Variants in CCDC25 observed in about 807,000 individuals in gnomAD.
CCDC25 encodes the protein coiled-coil domain containing 25.
A neutral mutation model predicts 35.3 loss-of-function variants in CCDC25; 16 were observed. That is an observed-to-expected ratio of 0.45 (90% CI 0.31 to 0.69). The LOEUF (loss-of-function observed/expected upper bound fraction) is 0.69, where lower values mean the gene tolerates loss of function less well. CCDC25 is among the 30% of genes least tolerant of loss of function. The pLI, the probability that CCDC25 is intolerant of heterozygous loss-of-function variation, is 0.06. For missense variants in CCDC25, 179 were observed against 250.7 expected, an observed-to-expected ratio of 0.71 and a Z score of 1.93; for synonymous variants, 79 against 80.3, an observed-to-expected ratio of 0.98 and a Z score of 0.09.
intron 8 of CCDC25, among the ~76,000 whole-genome samples, chr8:27,739,305 A>G (rs899808742): frequency 2.0e-5 from 3 of 152,218 alleles, no homozygotes; most frequent in Admixed American, 2.0e-4. Context: ...AGATGGGAAT[A>G]AGAATGTTGT....
intron 3 of CCDC25, among the ~76,000 whole-genome samples, chr8:27,759,343 A>T (rs548981795): frequency 2.6e-5 from 4 of 152,176 alleles, no homozygotes; most frequent in Non-Finnish European, 5.9e-5. Context: ...ACAGTGGCTC[A>T]TGCCTGTCGT....
intron 8 of CCDC25, among the ~76,000 whole-genome samples, chr8:27,739,617 T>C (rs1038891585): frequency 2.6e-5 from 4 of 152,220 alleles, no homozygotes; most frequent in Non-Finnish European, 4.4e-5. Flanking sequence ...AGATAAAGTA[T>C]ATGGAAGGAT....
At chr8:27,738,806 G>A (rs1238985254) in intron 8 of CCDC25, among the ~76,000 whole-genome samples, 1 of 152,184 alleles carries the variant, frequency 6.6e-6, no homozygotes, top group Non-Finnish European at 1.5e-5. Context: ...GTTGTGGTAT[G>A]TTGAAGACTA....
At position 27,736,092 on chromosome 8, in the gene CCDC25, T is replaced by C. The variant is rs973690061; in HGVS notation, c.*124A>G. Reference sequence around the variant, plus strand: ...TTTTTAAAACTTGAAAATCAATAATTTCTGGGTAGGATGAAGGTAGAATTT... The same window carrying C: ...TTTTTAAAACTTGAAAATCAATAATCTCTGGGTAGGATGAAGGTAGAATTT... On this transcript the variant is annotated 3_prime_UTR_variant, in exon 9 of 9. Coordinates refer to ENST00000356537, the MANE Select transcript of CCDC25 (RefSeq NM_018246.3). 9 of 855,054 alleles carry C rather than the reference T, an allele frequency of 1.1e-5. No individual in the cohort carries two copies. The highest frequency in any genetic ancestry group is 2.8e-5 in the Admixed American group (1 of 36,122). The allele number at this position is 855,054 out of a possible 1,614,324, so 53.0% of individuals were successfully genotyped here. A position where few individuals can be genotyped will look rare whatever the true frequency, so the allele number is the denominator to read the frequency against.
intron 7 of CCDC25, 26 bp from the exon 8 acceptor site, chr8:27,740,543 C>T (rs1187033480): frequency 1.9e-6 from 3 of 1,590,798 alleles, no homozygotes; most frequent in South Asian, 1.1e-5. Flanking sequence ...CACACACACA[C>T]ATTTAAAATA....
At position 27,733,703 on chromosome 8, in the gene CCDC25, GTTAT is replaced by G. The variant is rs1803113777; in HGVS notation, c.*2509_*2512del. On this transcript the variant is annotated 3_prime_UTR_variant, in exon 9 of 9. Transcript: ENST00000356537. ...ATGATCATTTTGAATATGGAAATTT[GTTAT>G]TTACATGCTGTACCTCAAATCAAAG... The G allele has an allele frequency of 6.6e-6, 1 of 152,284 alleles. No homozygotes were observed. Among genetic ancestry groups the G allele is most frequent in the African/African-American group, 2.4e-5 (1 of 41,554 alleles). The allele number at this position is 152,284 out of a possible 1,614,324, so 9.4% of individuals were successfully genotyped here. A position where few individuals can be genotyped will look rare whatever the true frequency, so the allele number is the denominator to read the frequency against.
chr8:27,764,811 C>T lies in CCDC25; in HGVS notation c.76+393G>A, dbSNP rs560788310. 1.2e-4 allele frequency among the ~76,000 whole-genome samples: 19 copies of T among 152,242 alleles called. No homozygotes were observed. In the East Asian group the frequency reaches 2.9e-3, roughly 23 times the overall value. On this transcript the variant is annotated intron_variant, in intron 2 of 8. Transcript: ENST00000356537. ...TTTACTATCTCTGATCTGTCTACTT[C>T]GACAGCATTTACTATTCATGTTACT...
chr8:27,741,322 C>A (rs187531846), intron 7 of CCDC25, among the ~76,000 whole-genome samples: 7 of 152,114 alleles, frequency 4.6e-5, no homozygotes, highest in African/African-American at 1.4e-4. Context: ...AAAGCCTGGA[C>A]CCACAGAACT....
At chr8:27,749,855 G>A (rs776859090) in intron 5 of CCDC25, among the ~76,000 whole-genome samples, 3 of 152,082 alleles carry the variant, frequency 2.0e-5, no homozygotes, top group African/African-American at 4.8e-5. Context: ...CTACAATTTC[G>A]CTTTGGATGG....
intron 8 of CCDC25, among the ~76,000 whole-genome samples, chr8:27,738,466 G>C (rs1230222867): frequency 6.6e-6 from 1 of 152,112 alleles, no homozygotes; most frequent in Admixed American, 6.5e-5. Flanking sequence ...GGGGTTGCAA[G>C]CAACAGAGGG....
chr8:27,736,682 C>T (rs1041536135), intron 8 of CCDC25, among the ~76,000 whole-genome samples: 3 of 152,230 alleles, frequency 2.0e-5, no homozygotes, highest in African/African-American at 7.2e-5. Context: ...AACATTGTCA[C>T]AGATTTGTGA....
Position 27,772,455 on chromosome 8 carries a change from G to T in CCDC25, c.28+58C>A. ...GGTCAGGCGCAGCGGCGGACTGCGG[G>T]TCCCGGCTTCGGAGCCCGCTGTCCA... On this transcript the variant is annotated intron_variant, in intron 1 of 8. Transcript: ENST00000356537. 4 of 1,525,524 alleles carry T rather than the reference G, an allele frequency of 2.6e-6. No individual in the cohort carries two copies. In the East Asian group the frequency reaches 9.8e-5, roughly 38 times the overall value. The allele number at this position is 1,525,524 out of a possible 1,614,324, so 94.5% of individuals were successfully genotyped here.
At chr8:27,759,928 A>C (rs1804166751) in intron 3 of CCDC25, among the ~76,000 whole-genome samples, 1 of 152,104 alleles carries the variant, frequency 6.6e-6, no homozygotes, top group African/African-American at 2.4e-5. Context: ...CAGCTCCACA[A>C]AGTGAAGCAG....
rs116538500 is a variant in CCDC25 at position 27,772,583 on chromosome 8, G to A, written c.-43C>T. On this transcript the variant is annotated 5_prime_UTR_variant, in exon 1 of 9. Coordinates refer to ENST00000356537, the MANE Select transcript of CCDC25 (RefSeq NM_018246.3). ...GGTGACTCCACCGCGGAGCAGCAGC[G>A]CTCAACTCACGAAGCTCAGGATACC... is the stretch of plus-strand genomic sequence containing the variant. 3.7e-4 allele frequency: 564 copies of A among 1,541,192 alleles called. 2 individuals are homozygous for A. The African/African-American group carries it at 7.1e-3, about 19-fold the overall frequency.
chr8:27,737,434 T>C lies in CCDC25; in HGVS notation c.598-1189A>G, dbSNP rs1803273485. On this transcript the variant is annotated intron_variant, in intron 8 of 8. Transcript: ENST00000356537. The surrounding 1 kb of genome is among the most constrained non-coding windows in gnomAD (Gnocchi z 4.6). ...TTCCCTATAAAGGCTGTGAGTTAGATGTGCAGAGTCCCCACTTGTCTGGGG... is the reference window on the plus strand; with the variant it reads ...TTCCCTATAAAGGCTGTGAGTTAGACGTGCAGAGTCCCCACTTGTCTGGGG... Among the ~76,000 whole-genome samples the C allele has an allele frequency of 6.6e-6, 1 of 152,212 alleles. No individual in the cohort carries two copies. Among genetic ancestry groups the C allele is most frequent in the Admixed American group, 6.5e-5 (1 of 15,272 alleles).
rs1259024434 is a variant in CCDC25 at position 27,752,525 on chromosome 8, G to A, written c.231C>T (p.Ala77=). Residue 77 remains alanine (A), a synonymous_variant, in exon 5 of 9, where the codon GCC becomes GCT. Transcript: ENST00000356537. The part of the protein sequence containing the change: ...VLMDCAHLVK[A]NSIQGCKMNN... Reference sequence around the variant, plus strand: ...AGGAAAACTGACCTTGAATGCTATTGGCCTTCACAAGGTGGGCACAGTCCA... The same window carrying A: ...AGGAAAACTGACCTTGAATGCTATTAGCCTTCACAAGGTGGGCACAGTCCA... 2 of 1,612,688 alleles carry A rather than the reference G, an allele frequency of 1.2e-6. No individual in the cohort carries two copies. The highest frequency in any genetic ancestry group is 8.5e-7 in the Non-Finnish European group (1 of 1,178,898).
chr8:27,767,749 A>G (rs186058174), intron 1 of CCDC25, among the ~76,000 whole-genome samples: 2 of 152,350 alleles, frequency 1.3e-5, no homozygotes, highest in Admixed American at 1.3e-4. Context: ...TTGATGATGA[A>G]AAACGTCTTT....
At chr8:27,767,897 G>A (rs1804453733) in intron 1 of CCDC25, among the ~76,000 whole-genome samples, 1 of 152,062 alleles carries the variant, frequency 6.6e-6, no homozygotes, top group Non-Finnish European at 1.5e-5. Context: ...AGAAAGACAA[G>A]GCATGTAGTA....
chr8:27,744,586 T>C (rs1803545532), intron 7 of CCDC25, among the ~76,000 whole-genome samples: 1 of 152,244 alleles, frequency 6.6e-6, no homozygotes, highest in Non-Finnish European at 1.5e-5. Context: ...CCTGTAAGTC[T>C]ATTCCCCAAT....
Sources: gnomAD v4.1 joint callset for allele counts (sites outside exome capture counted in the v4.1 genomes callset) on GRCh38, gnomAD v4.1.1 for gene constraint, Gnocchi (gnomAD v3.1) non-coding constraint, MANE v1.5 for transcripts, NCBI Gene and HGNC (gene_info 2026-07-23, HGNC 2026-07-21) for gene names.